TEX14: variants seen among roughly 807,000 people sequenced by gnomAD.
TEX14 encodes inactive serine/threonine-protein kinase TEX14.
A neutral mutation model predicts 178.6 loss-of-function variants in TEX14; 168 were observed. The ratio of observed to expected loss-of-function variants is 0.94; its 90% CI spans 0.83 to 1.07. The LOEUF is 1.07. TEX14 is among the 50% of genes least tolerant of loss of function. The pLI, the probability that TEX14 is intolerant of heterozygous loss-of-function variation, is 0.00. For synonymous variants in TEX14, 626 were observed against 634.1 expected (o/e 0.99, Z 0.19); for missense variants, 1,730 against 1,753.6 (o/e 0.99, Z 0.24).
chr17:58,641,514 T>TATC (rs2046577377), intron 2 of TEX14, among the ~76,000 whole-genome samples: 1 of 149,670 alleles, frequency 6.7e-6, no homozygotes, highest in Non-Finnish European at 1.5e-5. Flanking sequence ...TTATTATTAT[T>TATC]ATTATTTGAG....
chr17:58,588,225 G>A (rs184201866), intron 15 of TEX14, among the ~76,000 whole-genome samples: 2 of 152,322 alleles, frequency 1.3e-5, no homozygotes, highest in East Asian at 3.9e-4. Context: ...GATGGTTCAG[G>A]TGAGGGTTCT....
intron 21 of TEX14, 96 bp downstream of exon 21, chr17:58,577,279 C>T (rs909912914): frequency 8.1e-6 from 4 of 491,880 alleles, no homozygotes; most frequent in Non-Finnish European, 1.3e-5. Flanking sequence ...GTAGCTAATA[C>T]ATCTGAAGAC....
At chr17:58,687,979 T>G (rs577625844) in intron 1 of TEX14, among the ~76,000 whole-genome samples, 1 of 152,350 alleles carries the variant, frequency 6.6e-6, no homozygotes, top group African/African-American at 2.4e-5. Flanking sequence ...AATCAATATT[T>G]AATCTTGTTT....
chr17:58,673,159 G>C (rs2047331296), intron 1 of TEX14, among the ~76,000 whole-genome samples: 1 of 152,034 alleles, frequency 6.6e-6, no homozygotes, highest in African/African-American at 2.4e-5. Context: ...TCCCTGGGTA[G>C]TCATGCCAAG....
intron 8 of TEX14, 51 bp from the exon 9 acceptor site, chr17:58,613,595 G>GA: frequency 6.3e-7 from 1 of 1,580,518 alleles, no homozygotes; most frequent in Non-Finnish European, 8.6e-7. Context: ...AGGATATGAT[G>GA]AAAAAATGAG....
chr17:58,677,549 A>G (rs2047414375), intron 1 of TEX14: 1 of 152,252 alleles, frequency 6.6e-6, no homozygotes, highest in African/African-American at 2.4e-5. Context: ...CACATTGGCT[A>G]CTTCCCATTT....
intron 5 of TEX14, 70 bp from the exon 6 acceptor site, chr17:58,617,689 C>G: frequency 8.9e-7 from 1 of 1,124,450 alleles, no homozygotes; most frequent in Non-Finnish European, 1.3e-6. Flanking sequence ...AATGCTGAAC[C>G]AAGTTTTCAG....
At chr17:58,662,411 T>C (rs988897553) in intron 1 of TEX14, among the ~76,000 whole-genome samples, 4 of 98,370 alleles carry the variant, frequency 4.1e-5, no homozygotes. Flanking sequence ...ATAGCACACA[T>C]ATCTCACACA....
intron 11 of TEX14, among the ~76,000 whole-genome samples, chr17:58,603,578 T>C (rs1378808706): frequency 1.5e-5 from 2 of 133,188 alleles, no homozygotes; most frequent in Non-Finnish European, 3.2e-5. Context: ...AAAAAAGCCT[T>C]GCACGTTGGC....
At chr17:58,577,318 AC>A in intron 21 of TEX14, 56 bp downstream of exon 21, 1 of 681,438 alleles carries the variant, frequency 1.5e-6, no homozygotes, top group South Asian at 3.2e-5. Flanking sequence ...GAGCATTATC[AC>A]CATTTAACAT....
chr17:58,631,401 C>T (rs1005533577), intron 2 of TEX14, among the ~76,000 whole-genome samples: 6 of 151,978 alleles, frequency 3.9e-5, no homozygotes, highest in African/African-American at 1.5e-4. Flanking sequence ...TGCAATGAGC[C>T]GAAATTGTGC....
At chr17:58,662,732 A>T (rs894309107) in intron 1 of TEX14, among the ~76,000 whole-genome samples, 2 of 152,202 alleles carry the variant, frequency 1.3e-5, no homozygotes, top group Non-Finnish European at 2.9e-5. Flanking sequence ...GGAAGGGTTG[A>T]TGCTCAGAAA....
intron 15 of TEX14, among the ~76,000 whole-genome samples, chr17:58,590,588 T>C (rs1042342790): frequency 6.6e-6 from 1 of 151,632 alleles, no homozygotes; most frequent in Non-Finnish European, 1.5e-5. Context: ...CAGGGTCTTA[T>C]TCTGTCGCCC....
At position 58,563,658 on chromosome 17, in the gene TEX14, TAGAGAG is replaced by T. The variant is rs1180956521; in HGVS notation, c.4064+1205_4064+1210del. 9.9e-3 allele frequency among the ~76,000 whole-genome samples: 172 copies of T among 17,370 alleles called. 1 individual carries two copies. The highest frequency in any genetic ancestry group is 0.011 in the Non-Finnish European group (124 of 11,368). 11.4% of individuals were successfully genotyped at this position (17,370 alleles called of 152,430 possible). ...ATATATATATATATATATATATATA[TAGAGAG>T]AGAGAGAGAGAGAGAGAGAGAGAGA... On this transcript the variant is annotated intron_variant, in intron 28 of 31. Transcript: ENST00000349033.
rs746545918 is a variant in TEX14 at position 58,660,701 on chromosome 17, T to A, written c.-1-8699A>T. The A allele has an allele frequency of 9.0e-6, 7 of 781,890 alleles. No individual in the cohort carries two copies. In the Admixed American group the frequency reaches 1.2e-4, roughly 13 times the overall value. 48.4% of individuals were successfully genotyped at this position (781,890 alleles called of 1,614,324 possible). On this transcript the variant is annotated intron_variant, in intron 1 of 31. Transcript: ENST00000349033. ...CTCCTTTTCTTGATCTTCCTGTTGC[T>A]GAGTGGCTTTTCTGAATTCTTCTGG...
chr17:58,565,914 T>C, intron 26 of TEX14, 90 bp from the exon 27 acceptor site: 1 of 1,005,246 alleles, frequency 9.9e-7, no homozygotes, highest in Non-Finnish European at 1.5e-6. Flanking sequence ...GGGTGATCCT[T>C]AGACTTGCAG....
intron 1 of TEX14, among the ~76,000 whole-genome samples, chr17:58,688,047 T>C (rs907505008): frequency 6.6e-6 from 1 of 152,190 alleles, no homozygotes; most frequent in Admixed American, 6.5e-5. Flanking sequence ...ATAGGATTAC[T>C]GTGGATCAAG....
intron 1 of TEX14, among the ~76,000 whole-genome samples, chr17:58,668,322 G>A (rs1409067533): frequency 6.6e-6 from 1 of 152,154 alleles, no homozygotes; most frequent in Non-Finnish European, 1.5e-5. Flanking sequence ...TGATGGTCCT[G>A]AACAAAGTCA....
At position 58,581,560 on chromosome 17, in the gene TEX14, A is replaced by C. The variant is rs375623875; in HGVS notation, c.3172-1829T>G. 4.4e-6 allele frequency: 7 copies of C among 1,592,010 alleles called. No individual in the cohort carries two copies. The African/African-American group carries it at 9.5e-5, about 22-fold the overall frequency. ...GCTATTTTTCTCAATAAAAGAAATA[A>C]GGCAATGGAGAAAGGTGAAAAGGTA... On this transcript the variant is annotated intron_variant, in intron 19 of 31. Transcript: ENST00000349033.
Sources: allele counts gnomAD v4.1 joint callset (sites outside exome capture counted in the v4.1 genomes callset), GRCh38; gene constraint gnomAD v4.1.1; transcripts MANE v1.5; gene names NCBI Gene and HGNC (gene_info 2026-07-23, HGNC 2026-07-21).